Variants in DGKI observed in about 807,000 individuals in gnomAD.
DGKI encodes the protein diacylglycerol kinase iota, also known as DAG kinase iota.
DGKI carries 55 observed loss-of-function variants against 147.5 expected under a neutral mutation model. That is an observed-to-expected ratio of 0.37 (90% confidence interval 0.30 to 0.47). The LOEUF is 0.47. Among genes scored for constraint, DGKI ranks in the 20% least tolerant of loss-of-function variants. The pLI is 1.00. For synonymous variants in DGKI, 469 were observed against 477.1 expected, an observed-to-expected ratio of 0.98 and a Z score of 0.22; for missense variants, 1,007 against 1,323.8, an observed-to-expected ratio of 0.76 and a Z score of 3.71.
At chr7:137,706,179 T>C (rs1408034591) in intron 1 of DGKI, among the ~76,000 whole-genome samples, 1 of 151,930 alleles carries the variant, frequency 6.6e-6, no homozygotes, top group Non-Finnish European at 1.5e-5. Context: ...GGCTACTATA[T>C]TGCCAGGATC....
In DGKI at chr7:137,395,585, C is replaced by T. The variant is rs371150546; in HGVS notation, c.3057+13G>A. 2 of 1,612,218 alleles carry T rather than the reference C, an allele frequency of 1.2e-6. No homozygotes were observed. Among genetic ancestry groups the T allele is most frequent in the African/African-American group, 2.7e-5 (2 of 74,920 alleles). Reference sequence around the variant, plus strand: ...CCCAGCGGGAGGATGTTTGCACTCACTCATCGAGTTACCTTGGAGTCCGTC... The same window carrying T: ...CCCAGCGGGAGGATGTTTGCACTCATTCATCGAGTTACCTTGGAGTCCGTC... On this transcript the variant is annotated intron_variant, in intron 32 of 32. Coordinates refer to ENST00000614521, the MANE Select transcript of DGKI (RefSeq NM_001321708.2).
At chr7:137,559,061 T>TC (rs1818323249) in intron 19 of DGKI, among the ~76,000 whole-genome samples, 1 of 143,570 alleles carries the variant, frequency 7.0e-6, no homozygotes, top group African/African-American at 2.7e-5. Flanking sequence ...TACCTACAAT[T>TC]CTTTTTTTTT....
At chr7:137,557,463 G>A (rs1646390) in intron 19 of DGKI, among the ~76,000 whole-genome samples, 16,648 of 152,132 alleles carry the variant, frequency 0.11, 2,054 homozygotes, top group African/African-American at 0.3. Context: ...TAAATTATTG[G>A]AGAAATGATG....
intron 1 of DGKI, chr7:137,722,895 A>AC: frequency 1.3e-6 from 1 of 782,556 alleles, no homozygotes; most frequent in Non-Finnish European, 2.1e-6. Context: ...ACGTTAAAAA[A>AC]AAAAAAAAGT....
At position 137,846,159 on chromosome 7, in the gene DGKI, TCTCACACACA is replaced by T. The variant is rs1171283015; in HGVS notation, c.401+293_401+302del. 3.0e-4 allele frequency among the ~76,000 whole-genome samples: 39 copies of T among 130,130 alleles called. No individual in the cohort carries two copies. Among genetic ancestry groups the T allele is most frequent in the African/African-American group, 9.3e-4 (30 of 32,352 alleles). 85.4% of individuals were successfully genotyped at this position (130,130 alleles called of 152,430 possible). A position where few individuals can be genotyped will look rare whatever the true frequency, so the allele number is the denominator to read the frequency against. On this transcript the variant is annotated intron_variant, in intron 1 of 32. Transcript: ENST00000614521. This position sits in a 1 kb window ranked among gnomAD's most constrained non-coding sequence, Gnocchi z 4.0. Reference sequence around the variant, plus strand: ...TTCTCTCTCTCTCTCTCTCTCTCTCTCTCACACACACACACACACACACACACACACACAC... The same window carrying T: ...TTCTCTCTCTCTCTCTCTCTCTCTCTCACACACACACACACACACACACAC...
chr7:137,626,322 GACACACACACAC>G lies in DGKI; in HGVS notation c.805-2780_805-2769del, dbSNP rs111591226. 9.2e-3 allele frequency among the ~76,000 whole-genome samples: 1,284 copies of G among 139,122 alleles called. 17 individuals carry two copies. Among genetic ancestry groups the G allele is most frequent in the African/African-American group, 0.031 (1,175 of 37,810 alleles). 91.3% of individuals were successfully genotyped at this position (139,122 alleles called of 152,430 possible). A position where few individuals can be genotyped will look rare whatever the true frequency, so the allele number is the denominator to read the frequency against. ...TCCCAAGAAGAAAAAAAGTGCTTCT[GACACACACACAC>G]ACACACACACACACACACACACACA... On this transcript the variant is annotated intron_variant, in intron 6 of 32. Coordinates refer to ENST00000614521, the MANE Select transcript of DGKI (RefSeq NM_001321708.2).
chr7:137,477,600 T>C (rs1305566675), intron 23 of DGKI, among the ~76,000 whole-genome samples: 1 of 152,316 alleles, frequency 6.6e-6, no homozygotes, highest in Admixed American at 6.5e-5. Context: ...AAATAAATTG[T>C]GGTATAATAT....
chr7:137,588,652 A>G (rs1469322076), intron 12 of DGKI, among the ~76,000 whole-genome samples: 2 of 151,862 alleles, frequency 1.3e-5, no homozygotes, highest in East Asian at 1.9e-4. Flanking sequence ...AATTTTTTGT[A>G]TTTTTAGTAG....
At chr7:137,685,174 G>A (rs866170693) in intron 2 of DGKI, among the ~76,000 whole-genome samples, 2 of 152,210 alleles carry the variant, frequency 1.3e-5, no homozygotes, top group Admixed American at 6.5e-5. Context: ...GGAAAGGAAA[G>A]GTGGTTCGGA....
chr7:137,795,347 C>T (rs776389999), intron 1 of DGKI, among the ~76,000 whole-genome samples: 1 of 152,130 alleles, frequency 6.6e-6, no homozygotes, highest in East Asian at 1.9e-4. Flanking sequence ...TTGGATCCGC[C>T]ACAAAAGGCC....
chr7:137,552,717 T>C (rs955417635), intron 19 of DGKI, 149 bp from the exon 20 acceptor site: 1 of 686,648 alleles, frequency 1.5e-6, no homozygotes, highest in Non-Finnish European at 2.4e-6. Context: ...CAGAGCAGCC[T>C]GGCCAACATG....
At chr7:137,737,656 T>C (rs1240373661) in intron 1 of DGKI, among the ~76,000 whole-genome samples, 1 of 152,172 alleles carries the variant, frequency 6.6e-6, no homozygotes, top group Non-Finnish European at 1.5e-5. Context: ...ACATATTATT[T>C]AGATACTGTA....
chr7:137,689,950 T>C lies in DGKI; in HGVS notation c.454A>G (p.Ser152Gly), dbSNP rs1479746824. The part of the protein sequence containing the change: ...LQHLAPAHPL[S>G]LPVANGPAKE... ...GCTGGACCATTTGCCACAGGAAGGCTGAGGGGATGTGCAGGAGCCAGATGC... is the reference window on the plus strand; with the variant it reads ...GCTGGACCATTTGCCACAGGAAGGCCGAGGGGATGTGCAGGAGCCAGATGC... The change falls in exon 2 of 33, where the codon AGC becomes GGC. Residue 152 changes from serine to glycine, a missense_variant. Physicochemically the swap from Ser to Gly is moderately conservative, Grantham distance 56 (BLOSUM62 0). Transcript: ENST00000614521. The C allele has an allele frequency of 1.9e-6, 3 of 1,610,000 alleles. No homozygotes were observed. Among genetic ancestry groups the C allele is most frequent in the Non-Finnish European group, 2.5e-6 (3 of 1,178,244 alleles).
At chr7:137,564,754 A>C (rs1818526791) in intron 19 of DGKI, among the ~76,000 whole-genome samples, 1 of 152,222 alleles carries the variant, frequency 6.6e-6, no homozygotes, top group African/African-American at 2.4e-5. Flanking sequence ...ATATTTAAAC[A>C]TCATTTATGT....
At chr7:137,720,250 C>CTTTTTTTTTTT (rs552382033) in intron 1 of DGKI, among the ~76,000 whole-genome samples, 1 of 88,218 alleles carries the variant, frequency 1.1e-5, no homozygotes, top group Non-Finnish European at 2.0e-5. Context: ...TTGAAAAAAT[C>CTTTTTTTTTTT]TTTTTTTTTT....
intron 5 of DGKI, among the ~76,000 whole-genome samples, chr7:137,646,975 T>TG (rs1403994975): frequency 6.6e-6 from 1 of 152,096 alleles, no homozygotes; most frequent in African/African-American, 2.4e-5. Context: ...GGAGGAACAA[T>TG]GGTCTTTTAA....
intron 1 of DGKI, among the ~76,000 whole-genome samples, chr7:137,781,739 G>A (rs547463871): frequency 1.3e-5 from 2 of 152,182 alleles, no homozygotes; most frequent in Admixed American, 1.3e-4. Context: ...GTTTTGTTTT[G>A]TTTTGTTTTT....
intron 1 of DGKI, among the ~76,000 whole-genome samples, chr7:137,802,441 TC>T (rs1234087166): frequency 6.6e-6 from 1 of 152,226 alleles, no homozygotes; most frequent in African/African-American, 2.4e-5. Context: ...ATTTACTACA[TC>T]ATGTCCACTT....
chr7:137,485,315 GA>G, intron 23 of DGKI, 58 bp downstream of exon 23: 1 of 1,305,614 alleles, frequency 7.7e-7, no homozygotes, highest in Non-Finnish European at 1.1e-6. Context: ...GACATTAATT[GA>G]AAGATGGACT....
Sources: allele counts gnomAD v4.1 joint callset (sites outside exome capture counted in the v4.1 genomes callset), GRCh38; gene constraint gnomAD v4.1.1; non-coding constraint Gnocchi (gnomAD v3.1); transcripts MANE v1.5; gene names NCBI Gene and HGNC (gene_info 2026-07-23, HGNC 2026-07-21).